Variants in CSF2RA observed in about 807,000 individuals in gnomAD.
CSF2RA encodes the protein granulocyte-macrophage colony-stimulating factor receptor subunit alpha.
CSF2RA carries 42 observed loss-of-function variants against 51.6 expected under a neutral mutation model. That is an observed-to-expected ratio of 0.81 (90% CI 0.64 to 1.05). The LOEUF (loss-of-function observed/expected upper bound fraction) is 1.05, where lower values mean the gene tolerates loss of function less well. Ranked by LOEUF, CSF2RA falls within the 50% of genes least tolerant of loss-of-function variation. The probability of loss-of-function intolerance (pLI) is 0.00; values close to 1 mark genes in which losing one functional copy is unlikely to be tolerated. For missense variants in CSF2RA, 530 were observed against 501.1 expected (o/e 1.06, Z -0.55); for synonymous variants, 222 against 193.0 (o/e 1.15, Z -1.24).
chrX:1,322,774 C>T, the CSF2RA span, among the ~76,000 whole-genome samples: 2 of 151,914 alleles, frequency 1.3e-5, no homozygotes, highest in Non-Finnish European at 2.9e-5. Flanking sequence ...TTTATGTCCA[C>T]GTTAACCTCA....
chrX:1,311,249 CA>C (rs752805587), downstream of CSF2RA, among the ~76,000 whole-genome samples: 42,712 of 140,662 alleles, frequency 0.3, 7,707 homozygotes, highest in African/African-American at 0.52. Flanking sequence ...ATTCTGTCTC[CA>C]AAAAAAAAAA....
chrX:1,298,603 GTCCCCTACTCACGACCCCTACAC>G (rs2092147531), intron 9 of CSF2RA, among the ~76,000 whole-genome samples: 2 of 48,460 alleles, frequency 4.1e-5, no homozygotes, highest in African/African-American at 7.9e-5. Flanking sequence ...GAACCCTACA[GTCCCCTACTCACGACCCCTACAC>G]TCTCCTACCC....
chrX:1,305,028 C>T (rs1332636705), intron 11 of CSF2RA, among the ~76,000 whole-genome samples: 8 of 139,070 alleles, frequency 5.8e-5, no homozygotes, highest in Non-Finnish European at 1.1e-4. Context: ...GAGTCTCACT[C>T]TGTCACCCAG....
rs112442258 is a variant in CSF2RA, at chrX:1,288,374, C to G, written c.220-145C>G. The G allele has an allele frequency of 8.6e-5, 71 of 824,986 alleles. 10 individuals carry two copies. The South Asian group carries it at 9.3e-4, about 11-fold the overall frequency. The allele number at this position is 824,986 out of a possible 1,614,324, so 51.1% of individuals were successfully genotyped here. The stretch of plus-strand genomic sequence containing the variant: ...GCGGGTGTCTGTAATCCGAGCTACT[C>G]GGGAGGCTGAGGCGGGAGAATTGCT... On this transcript the variant is annotated intron_variant, in intron 4 of 12. Coordinates refer to ENST00000381529, the MANE Select transcript of CSF2RA (RefSeq NM_172245.4).
At chrX:1,300,179 A>G (rs1196297862) in intron 9 of CSF2RA, 30 of 281,990 alleles carry the variant, frequency 1.1e-4, no homozygotes, top group Non-Finnish European at 1.5e-4. Context: ...AGATCGCGCC[A>G]CTGCACTGCA....
chrX:1,289,551 GT>G (rs202123695), intron 6 of CSF2RA, among the ~76,000 whole-genome samples: 12,980 of 151,308 alleles, frequency 0.086, 736 homozygotes, highest in South Asian at 0.23. Flanking sequence ...TTGTTTTTGT[GT>G]TTTTTTGGTT....
chrX:1,305,336 T>G (rs2148666235), intron 11 of CSF2RA, 110 bp from the exon 12 acceptor site: 1 of 1,220,082 alleles, frequency 8.2e-7, no homozygotes, highest in Non-Finnish European at 1.2e-6. Flanking sequence ...AAGTTTTGCA[T>G]AGTTGAGCGC....
chrX:1,293,107 G>A (rs1434957270), intron 7 of CSF2RA, among the ~76,000 whole-genome samples: 5 of 152,206 alleles, frequency 3.3e-5, no homozygotes, highest in African/African-American at 1.2e-4. Context: ...TACAGTTACA[G>A]CTTAACAGCA....
downstream of CSF2RA, among the ~76,000 whole-genome samples, chrX:1,311,093 CAA>C (rs1569514176): frequency 6.6e-6 from 1 of 151,602 alleles, no homozygotes; most frequent in African/African-American, 2.4e-5. Context: ...ACTAAAAATA[CAA>C]AAAGTTAGCT....
chrX:1,303,298 C>A, intron 10 of CSF2RA: 1 of 431,174 alleles, frequency 2.3e-6, no homozygotes, highest in Non-Finnish European at 4.1e-6. Flanking sequence ...TGCAATGGCA[C>A]AATCTCGGCT....
At position 1,294,315 on chromosome X, in the gene CSF2RA, G is replaced by A. The variant is rs201508841; in HGVS notation, c.647-13G>A. On this transcript the variant is annotated splice_polypyrimidine_tract_variant and intron_variant, in intron 7 of 12. Coordinates refer to ENST00000381529, the MANE Select transcript of CSF2RA (RefSeq NM_172245.4). ...TCTCGGGTTCAGGGGTGTGTCCTGCGCCCTCGTTACAGAACGATTCAACCC... is the reference window on the plus strand; with the variant it reads ...TCTCGGGTTCAGGGGTGTGTCCTGCACCCTCGTTACAGAACGATTCAACCC... The A allele has an allele frequency of 8.2e-4, 1,317 of 1,612,732 alleles. 3 individuals are homozygous for A. Among genetic ancestry groups the A allele is most frequent in the Admixed American group, 1.6e-3 (94 of 60,006 alleles).
the CSF2RA span, among the ~76,000 whole-genome samples, chrX:1,315,824 A>AT: frequency 2.7e-4 from 20 of 74,030 alleles, no homozygotes; most frequent in East Asian, 7.5e-4. Context: ...GATAGATTAG[A>AT]TAGATGAATG....
At chrX:1,310,252 C>G (rs1265091863), downstream of CSF2RA, 1 of 157,918 alleles carries the variant, frequency 6.3e-6, no homozygotes, top group Non-Finnish European at 1.4e-5. Context: ...GCATCTCTTT[C>G]CAACCCAACT....
chrX:1,301,331 C>CAAAAAAAAAAAA (rs1156943650), intron 10 of CSF2RA, among the ~76,000 whole-genome samples: 6 of 62,698 alleles, frequency 9.6e-5, no homozygotes, highest in African/African-American at 1.2e-4. Flanking sequence ...GACTCTGTCT[C>CAAAAAAAAAAAA]AAAAAAAAAA....
At chrX:1,316,076 A>ATAGATAGATAGATAGATAGC in the CSF2RA span, among the ~76,000 whole-genome samples, 1 of 152,106 alleles carries the variant, frequency 6.6e-6, no homozygotes, top group Non-Finnish European at 1.5e-5. Context: ...AGATAGATAG[A>ATAGATAGATAGATAGATAGC]TAGAATAGAT....
rs1453226454 is a variant in CSF2RA, at chrX:1,285,100, A to AC, written c.77-678_77-677insC. Among the ~76,000 whole-genome samples the AC allele has an allele frequency of 3.0e-3, 452 of 151,998 alleles. 1 individual carries two copies. Among genetic ancestry groups the AC allele is most frequent in the African/African-American group, 9.5e-3 (396 of 41,496 alleles). ...TTTTTTAAAGAGATGCGATCTTGCT[A>AC]TGTTGCCCAGGCGGGATCTGAACCT... On this transcript the variant is annotated intron_variant, in intron 3 of 12. Transcript: ENST00000381529.
At chrX:1,319,390 G>C in the CSF2RA span, among the ~76,000 whole-genome samples, 5 of 148,836 alleles carry the variant, frequency 3.4e-5, no homozygotes, top group Admixed American at 3.4e-4. Context: ...CCGGCTTAGC[G>C]ATCCTCCTCT....
At chrX:1,281,174 TCTC>T (rs1256107009) in intron 2 of CSF2RA, among the ~76,000 whole-genome samples, 1 of 90,056 alleles carries the variant, frequency 1.1e-5, no homozygotes, top group Admixed American at 1.2e-4. Context: ...TACTCCTCCT[TCTC>T]CTCCTTCTCC....
chrX:1,322,463 A>C, the CSF2RA span, among the ~76,000 whole-genome samples: 1 of 129,570 alleles, frequency 7.7e-6, no homozygotes, highest in Non-Finnish European at 1.7e-5. Context: ...TTTTTTTGAA[A>C]GGTAGCTCTC....
Sources: allele counts gnomAD v4.1 joint callset (sites outside exome capture counted in the v4.1 genomes callset), GRCh38; gene constraint gnomAD v4.1.1; transcripts MANE v1.5; gene names NCBI Gene and HGNC (gene_info 2026-07-23, HGNC 2026-07-21).